Variants in HBS1L observed in about 807,000 individuals in gnomAD.
HBS1L encodes the protein HBS1 like translational GTPase.
HBS1L carries 55 observed loss-of-function variants against 88.9 expected under a neutral mutation model. The observed-to-expected ratio is 0.62, with a 90% CI of 0.50 to 0.77. The LOEUF (loss-of-function observed/expected upper bound fraction) is 0.77. HBS1L is among the 30% of genes least tolerant of loss of function. The pLI is 0.00. For synonymous variants in HBS1L, 267 were observed against 288.5 expected, an observed-to-expected ratio of 0.93 and a Z score of 0.76; for missense variants, 741 against 829.3, an observed-to-expected ratio of 0.89 and a Z score of 1.31.
intron 7 of HBS1L, among the ~76,000 whole-genome samples, chr6:134,994,808 G>A (rs1189971792): frequency 6.6e-6 from 1 of 152,050 alleles, no homozygotes; most frequent in African/African-American, 2.4e-5. Flanking sequence ...AAGGCCCAAG[G>A]AAGGTCTACA....
At chr6:135,002,572 C>A (rs1775492031) in intron 5 of HBS1L, 162 bp downstream of exon 5, 1 of 478,240 alleles carries the variant, frequency 2.1e-6, no homozygotes, top group Admixed American at 3.3e-5. Flanking sequence ...AGCCTAATTT[C>A]TCATTTTGTC....
At chr6:135,000,222 A>ATTTTTTTTTTTTTTTTTTTTTTTTTT (rs33946758) in intron 5 of HBS1L, among the ~76,000 whole-genome samples, 1 of 129,440 alleles carries the variant, frequency 7.7e-6, no homozygotes, top group African/African-American at 3.5e-5. Flanking sequence ...TACCCAGCTA[A>ATTTTTTTTTTTTTTTTTTTTTTTTTT]TTTTTTTTTT....
At chr6:134,990,843 C>T (rs947038007) in intron 8 of HBS1L, among the ~76,000 whole-genome samples, 1 of 152,152 alleles carries the variant, frequency 6.6e-6, no homozygotes, top group African/African-American at 2.4e-5. Flanking sequence ...TGAGCCTCCA[C>T]ACCTGGCCTG....
chr6:135,045,038 T>C (rs1240533012), intron 2 of HBS1L, among the ~76,000 whole-genome samples: 1 of 151,504 alleles, frequency 6.6e-6, no homozygotes, highest in African/African-American at 2.4e-5. Flanking sequence ...TTGGAAGTAG[T>C]AATGGTTGGA....
intron 8 of HBS1L, among the ~76,000 whole-genome samples, chr6:134,988,074 C>T (rs4445070): frequency 0.52 from 79,559 of 151,896 alleles, 20,951 homozygotes; most frequent in African/African-American, 0.57. Flanking sequence ...AAAACATAAA[C>T]AAACAGCAAC....
intron 8 of HBS1L, among the ~76,000 whole-genome samples, chr6:134,992,430 C>T (rs1237423954): frequency 6.6e-6 from 1 of 152,130 alleles, no homozygotes; most frequent in African/African-American, 2.4e-5. Context: ...AACAAATCTA[C>T]TGCGCTGCCA....
chr6:134,979,126 G>T, intron 14 of HBS1L, 52 bp downstream of exon 14: 1 of 1,296,452 alleles, frequency 7.7e-7, no homozygotes, highest in Non-Finnish European at 1.1e-6. Context: ...TGTGTTTAGA[G>T]GTGAGGTCCT....
intron 4 of HBS1L, chr6:135,037,783 G>T: frequency 6.5e-7 from 1 of 1,549,248 alleles, no homozygotes; most frequent in Non-Finnish European, 8.7e-7. Context: ...AATTAGGTTA[G>T]CTAGTGAAAG....
At chr6:134,965,666 T>C (rs1274908193) in intron 17 of HBS1L, among the ~76,000 whole-genome samples, 1 of 152,190 alleles carries the variant, frequency 6.6e-6, no homozygotes, top group African/African-American at 2.4e-5. Flanking sequence ...ATTTTTACAC[T>C]GAAGGAGGTA....
rs903841921 is a variant in HBS1L at position 134,961,519 on chromosome 6, A to G, written c.*3760T>C. The G allele has an allele frequency of 5.3e-5, 8 of 152,220 alleles. No individual in the cohort carries two copies. The highest frequency in any genetic ancestry group is 7.3e-5 in the Non-Finnish European group (5 of 68,036). The allele number at this position is 152,220 out of a possible 1,614,324, so 9.4% of individuals were successfully genotyped here. The stretch of plus-strand genomic sequence containing the variant: ...ACTGTAATCATGCCTGAGCACAGAT[A>G]AAAACAAAGTCACTGTGCAAACCAT... On this transcript the variant is annotated 3_prime_UTR_variant, in exon 18 of 18. Coordinates refer to ENST00000367837, the MANE Select transcript of HBS1L (RefSeq NM_006620.4).
chr6:135,021,092 GT>G (rs1776058764), intron 4 of HBS1L, among the ~76,000 whole-genome samples: 1 of 151,994 alleles, frequency 6.6e-6, no homozygotes, highest in Non-Finnish European at 1.5e-5. Context: ...TGGGGAAGAT[GT>G]TTACACATTC....
chr6:134,989,121 G>A (rs1223005689), intron 8 of HBS1L, among the ~76,000 whole-genome samples: 3 of 152,132 alleles, frequency 2.0e-5, no homozygotes, highest in African/African-American at 7.2e-5. Context: ...CTATTCTTTT[G>A]TGTTGATGCC....
intron 4 of HBS1L, among the ~76,000 whole-genome samples, chr6:135,013,165 T>C (rs1483897465): frequency 6.6e-6 from 1 of 152,136 alleles, no homozygotes; most frequent in Non-Finnish European, 1.5e-5. Context: ...AGTTTCCTCG[T>C]CCATAAAATA....
At chr6:135,001,100 T>C (rs1775442420) in intron 5 of HBS1L, among the ~76,000 whole-genome samples, 1 of 152,182 alleles carries the variant, frequency 6.6e-6, no homozygotes, top group Non-Finnish European at 1.5e-5. Context: ...GGGTGGATTT[T>C]TTACCTTTAT....
chr6:134,965,778 C>T (rs544385369), intron 17 of HBS1L, among the ~76,000 whole-genome samples: 1 of 152,178 alleles, frequency 6.6e-6, no homozygotes, highest in Non-Finnish European at 1.5e-5. Flanking sequence ...CCACCCCACA[C>T]CGCCTTCCAT....
chr6:135,037,208 G>C, intron 4 of HBS1L: 1 of 1,551,834 alleles, frequency 6.4e-7, no homozygotes, highest in Non-Finnish European at 8.7e-7. Flanking sequence ...TTTGCTAATT[G>C]TGACAGGGGA....
At chr6:134,972,075 T>C (rs1431927236) in intron 15 of HBS1L, among the ~76,000 whole-genome samples, 1 of 152,182 alleles carries the variant, frequency 6.6e-6, no homozygotes, top group Non-Finnish European at 1.5e-5. Context: ...GTTATGTAAC[T>C]TGTATGCATT....
chr6:135,025,993 G>C (rs2150680), intron 4 of HBS1L, among the ~76,000 whole-genome samples: 70,939 of 151,952 alleles, frequency 0.47, 16,876 homozygotes, highest in South Asian at 0.56. Context: ...TAGCTAGTTA[G>C]CAACATGCAA....
intron 7 of HBS1L, among the ~76,000 whole-genome samples, chr6:134,995,458 G>T (rs1775263855): frequency 6.6e-6 from 1 of 151,828 alleles, no homozygotes; most frequent in African/African-American, 2.4e-5. Context: ...GCAAAACGCA[G>T]CAGCAAAAAT....
Sources: gnomAD v4.1 joint callset for allele counts (sites outside exome capture counted in the v4.1 genomes callset) on GRCh38, gnomAD v4.1.1 for gene constraint, MANE v1.5 for transcripts, NCBI Gene and HGNC (gene_info 2026-07-23, HGNC 2026-07-21) for gene names.